POFUT3: variants seen among roughly 807,000 people sequenced by gnomAD.
The protein encoded by POFUT3 is GDP-fucose protein O-fucosyltransferase 3.
chr8:33,433,820 TAAC>T, the POFUT3 span, among the ~76,000 whole-genome samples: 1 of 151,242 alleles, frequency 6.6e-6, no homozygotes, highest in Non-Finnish European at 1.5e-5. Context: ...TTTAAAAAAT[TAAC>T]TAGGCATGGT....
chr8:33,406,410 T>C, the POFUT3 span, among the ~76,000 whole-genome samples: 1 of 152,096 alleles, frequency 6.6e-6, no homozygotes, highest in Non-Finnish European at 1.5e-5. Flanking sequence ...CTGATTTTCA[T>C]TTACCATGAA....
chr8:33,432,227 T>C, the POFUT3 span, among the ~76,000 whole-genome samples: 1 of 152,074 alleles, frequency 6.6e-6, no homozygotes, highest in African/African-American at 2.4e-5. Context: ...CTGGTCAACA[T>C]GGTGAAACCC....
At chr8:33,405,283 AC>A in the POFUT3 span, among the ~76,000 whole-genome samples, 1 of 151,596 alleles carries the variant, frequency 6.6e-6, no homozygotes, top group African/African-American at 2.4e-5. Flanking sequence ...ACAGAGCAAG[AC>A]TCCGTCTCAA....
the POFUT3 span, among the ~76,000 whole-genome samples, chr8:33,415,165 G>A: frequency 1.3e-4 from 20 of 152,074 alleles, no homozygotes; most frequent in Non-Finnish European, 2.1e-4. Flanking sequence ...AGGAGGCTGA[G>A]GCAGAAGAAT....
chr8:33,390,819 A>T, the POFUT3 span, among the ~76,000 whole-genome samples: 8 of 152,232 alleles, frequency 5.3e-5, no homozygotes, highest in Non-Finnish European at 8.8e-5. Context: ...CATCCACGGG[A>T]TTAATTGAAA....
chr8:33,317,998 C>T, the POFUT3 span, among the ~76,000 whole-genome samples: 1 of 152,104 alleles, frequency 6.6e-6, no homozygotes, highest in Non-Finnish European at 1.5e-5. Flanking sequence ...AAACAAATGT[C>T]TGGTGAATAA....
the POFUT3 span, among the ~76,000 whole-genome samples, chr8:33,342,811 C>A: frequency 6.6e-6 from 1 of 152,012 alleles, no homozygotes; most frequent in Non-Finnish European, 1.5e-5. Flanking sequence ...AGTCACTTAT[C>A]CTAAAGAAAA....
At chr8:33,316,979 C>CCTGAGA in the POFUT3 span, among the ~76,000 whole-genome samples, 2 of 151,836 alleles carry the variant, frequency 1.3e-5, no homozygotes, top group African/African-American at 4.8e-5. Context: ...ATGTCCCCCA[C>CCTGAGA]CTGAGACTGA....
the POFUT3 span, among the ~76,000 whole-genome samples, chr8:33,373,994 C>T: frequency 6.6e-6 from 1 of 152,166 alleles, no homozygotes; most frequent in African/African-American, 2.4e-5. Context: ...TCCTCAACTC[C>T]CGGGTCATGA....
the POFUT3 span, among the ~76,000 whole-genome samples, chr8:33,402,132 T>C: frequency 7.2e-5 from 11 of 152,328 alleles, no homozygotes; most frequent in African/African-American, 2.6e-4. Context: ...CAAAAGCAAC[T>C]AGAATTTCAG....
At chr8:33,345,331 C>T in the POFUT3 span, among the ~76,000 whole-genome samples, 1 of 151,626 alleles carries the variant, frequency 6.6e-6, no homozygotes, top group East Asian at 1.9e-4. Context: ...ATTTAAAACA[C>T]AGGTCTGCCA....
At chr8:33,373,579 C>T in the POFUT3 span, among the ~76,000 whole-genome samples, 1 of 152,154 alleles carries the variant, frequency 6.6e-6, no homozygotes, top group South Asian at 2.1e-4. Context: ...CACTCGGCAG[C>T]CCTTCTCATT....
chr8:33,375,739 A>G, the POFUT3 span, among the ~76,000 whole-genome samples: 3 of 152,278 alleles, frequency 2.0e-5, no homozygotes, highest in Non-Finnish European at 4.4e-5. Context: ...TAAATAGGCC[A>G]GGTGTGGTGG....
chr8:33,462,930 CA>C, the POFUT3 span, among the ~76,000 whole-genome samples: 318 of 139,058 alleles, frequency 2.3e-3, no homozygotes, highest in Middle Eastern at 7.1e-3. Flanking sequence ...GACCCTATCT[CA>C]AAAAAAAAAA....
At chr8:33,471,483 C>G in the POFUT3 span, among the ~76,000 whole-genome samples, 30 of 152,272 alleles carry the variant, frequency 2.0e-4, 1 homozygote, top group African/African-American at 6.7e-4. Context: ...AACTCCTGAT[C>G]TCGTGATCCG....
the POFUT3 span, among the ~76,000 whole-genome samples, chr8:33,412,490 T>C: frequency 6.6e-6 from 1 of 152,224 alleles, no homozygotes; most frequent in Non-Finnish European, 1.5e-5. Flanking sequence ...TGCTGAGGCC[T>C]GGGCTGTGAT....
the POFUT3 span, among the ~76,000 whole-genome samples, chr8:33,328,225 C>A: frequency 1.3e-5 from 2 of 152,032 alleles, no homozygotes; most frequent in Non-Finnish European, 2.9e-5. Context: ...ATCGGATGAA[C>A]CCACAGTGAC....
At chr8:33,325,556 TA>T in the POFUT3 span, among the ~76,000 whole-genome samples, 1 of 152,162 alleles carries the variant, frequency 6.6e-6, no homozygotes, top group Non-Finnish European at 1.5e-5. Flanking sequence ...TTTACCTCAG[TA>T]AAACTTCAAC....
At chr8:33,453,197 A>C in the POFUT3 span, 1 of 1,608,120 alleles carries the variant, frequency 6.2e-7, no homozygotes, top group Non-Finnish European at 8.5e-7. Context: ...CAAGGGAGAA[A>C]GGCGAAAGTC....
Sources: gnomAD v4.1 joint callset for allele counts (sites outside exome capture counted in the v4.1 genomes callset) on GRCh38, gnomAD v4.1.1 for gene constraint, MANE v1.5 for transcripts, NCBI Gene and HGNC (gene_info 2026-07-23, HGNC 2026-07-21) for gene names.